GRIN2B: variants seen among roughly 807,000 people sequenced by gnomAD.
GRIN2B encodes glutamate ionotropic receptor NMDA type subunit 2B, also known as glutamate receptor ionotropic, NMDA 2B.
In GRIN2B, 5 loss-of-function variants were observed where a neutral mutation model predicts 114.5. The observed-to-expected ratio is 0.04, with a 90% CI of 0.02 to 0.09. The LOEUF (loss-of-function observed/expected upper bound fraction) is 0.09, where lower values mean the gene tolerates loss of function less well. Ranked by LOEUF, GRIN2B falls within the 10% of genes least tolerant of loss-of-function variation. The probability of loss-of-function intolerance (pLI) is 1.00; values close to 1 mark genes in which losing one functional copy is unlikely to be tolerated. For missense variants in GRIN2B, 1,108 were observed against 1,943.5 expected (o/e 0.57, Z 8.08); for synonymous variants, 787 against 745.1 (o/e 1.06, Z -0.92).
chr12:13,867,000 T>C (rs760310970), intron 2 of GRIN2B, among the ~76,000 whole-genome samples: 6 of 152,238 alleles, frequency 3.9e-5, no homozygotes, highest in Non-Finnish European at 8.8e-5. Flanking sequence ...CCAGATCTTC[T>C]GACTTTTGTA....
intron 3 of GRIN2B, among the ~76,000 whole-genome samples, chr12:13,769,063 CA>C (rs900113169): frequency 3.9e-5 from 6 of 152,094 alleles, no homozygotes; most frequent in Admixed American, 2.0e-4. Flanking sequence ...ATAAAATAAA[CA>C]GGTATAAAGG....
At chr12:13,576,342 GA>G (rs1948776088) in intron 10 of GRIN2B, among the ~76,000 whole-genome samples, 1 of 150,524 alleles carries the variant, frequency 6.6e-6, no homozygotes, top group Admixed American at 6.6e-5. Context: ...TGCTTAGCCT[GA>G]GTGGCAATTT....
At chr12:13,601,082 G>A (rs1949151416) in intron 10 of GRIN2B, among the ~76,000 whole-genome samples, 1 of 152,230 alleles carries the variant, frequency 6.6e-6, no homozygotes, top group African/African-American at 2.4e-5. Flanking sequence ...GGACAAAGAG[G>A]AGAAGCACTG....
At chr12:13,907,960 A>G (rs1213785123) in intron 2 of GRIN2B, among the ~76,000 whole-genome samples, 1 of 152,220 alleles carries the variant, frequency 6.6e-6, no homozygotes, top group African/African-American at 2.4e-5. Context: ...AAATGCATAC[A>G]GTATTTTAAA....
intron 2 of GRIN2B, among the ~76,000 whole-genome samples, chr12:13,907,252 A>G (rs1283442667): frequency 6.6e-6 from 1 of 152,206 alleles, no homozygotes. Flanking sequence ...ATACTTTGGG[A>G]GTCCAAGATG....
chr12:13,901,940 A>G (rs1866459702), intron 2 of GRIN2B, among the ~76,000 whole-genome samples: 1 of 152,088 alleles, frequency 6.6e-6, no homozygotes, highest in African/African-American at 2.4e-5. Flanking sequence ...TTTTTTCAGC[A>G]TTAGTTATTA....
intron 3 of GRIN2B, among the ~76,000 whole-genome samples, chr12:13,759,688 C>A (rs1341730116): frequency 6.6e-6 from 1 of 152,210 alleles, no homozygotes; most frequent in Non-Finnish European, 1.5e-5. Context: ...CCTGCAAGAG[C>A]ATGCTCAATG....
intron 4 of GRIN2B, among the ~76,000 whole-genome samples, chr12:13,720,208 G>A (rs1281661252): frequency 6.6e-6 from 1 of 151,968 alleles, no homozygotes; most frequent in African/African-American, 2.4e-5. Context: ...AGGTACCTGT[G>A]GCCTGGCATC....
chr12:13,836,191 C>T (rs1423748346), intron 3 of GRIN2B, among the ~76,000 whole-genome samples: 1 of 152,188 alleles, frequency 6.6e-6, no homozygotes, highest in Admixed American at 6.5e-5. Flanking sequence ...CCAGGGCTGC[C>T]AGCCCCACAG....
At chr12:13,885,666 G>A (rs1270841215) in intron 2 of GRIN2B, among the ~76,000 whole-genome samples, 1 of 152,074 alleles carries the variant, frequency 6.6e-6, no homozygotes, top group African/African-American at 2.4e-5. Flanking sequence ...GCTTAACAAG[G>A]CTTTTATGTA....
chr12:13,608,669 G>C lies in GRIN2B; in HGVS notation c.1944C>G (p.Ala648=). The change falls in exon 10 of 14, where the codon GCC becomes GCG. Residue 648 remains alanine, a synonymous_variant. Coordinates refer to ENST00000609686, the MANE Select transcript of GRIN2B (RefSeq NM_000834.5). The part of the protein sequence containing the change: ...FAVIFLASYT[A]NLAAFMIQEE... Reference sequence around the variant, plus strand: ...CTTGGATCATGAAGGCAGCTAAGTTGGCAGTGTAGCTGGCCAGGAAGATGA... The same window carrying C: ...CTTGGATCATGAAGGCAGCTAAGTTCGCAGTGTAGCTGGCCAGGAAGATGA... 6.2e-7 allele frequency: 1 copy of C among 1,614,140 alleles called. No individual in the cohort carries two copies. Among genetic ancestry groups the C allele is most frequent in the Non-Finnish European group, 8.5e-7 (1 of 1,180,018 alleles).
At chr12:13,895,068 A>G (rs1365460274) in intron 2 of GRIN2B, among the ~76,000 whole-genome samples, 1 of 152,196 alleles carries the variant, frequency 6.6e-6, no homozygotes, top group Non-Finnish European at 1.5e-5. Context: ...ATTTTTGTGA[A>G]TGTGTGCACA....
chr12:13,556,088 G>A lies in GRIN2B; in HGVS notation c.*6695C>T, dbSNP rs992142951. 1.3e-5 allele frequency: 2 copies of A among 152,138 alleles called. No homozygotes were observed. The highest frequency in any genetic ancestry group is 4.8e-5 in the African/African-American group (2 of 41,416). 9.4% of individuals were successfully genotyped at this position (152,138 alleles called of 1,614,324 possible). Reference sequence around the variant, plus strand: ...GATTTATGGACCAGAACAACAGAGGGGTCTTGAAGGAAGGAAGATATAGAA... The same window carrying A: ...GATTTATGGACCAGAACAACAGAGGAGTCTTGAAGGAAGGAAGATATAGAA... On this transcript the variant is annotated 3_prime_UTR_variant, in exon 14 of 14. Transcript: ENST00000609686.
At chr12:13,951,904 GAGAAAAAGAA>G (rs931065221) in intron 2 of GRIN2B, among the ~76,000 whole-genome samples, 37 of 152,082 alleles carry the variant, frequency 2.4e-4, no homozygotes, top group Admixed American at 9.8e-4. Context: ...GAGAAGAGGG[GAGAAAAAGAA>G]AGAAAAAGAA....
At position 13,908,847 on chromosome 12, in the gene GRIN2B, T is replaced by C. The variant is rs76049220; in HGVS notation, c.-18-42621A>G. On this transcript the variant is annotated intron_variant, in intron 2 of 13. Transcript: ENST00000609686. ...ACCAGTATATTCAGTGATTGCATGG[T>C]ATTGAAGAAAGTATATTTCAAAGTG... is the stretch of plus-strand genomic sequence containing the variant. Among the ~76,000 whole-genome samples the C allele has an allele frequency of 8.0e-3, 1,222 of 152,314 alleles. 21 individuals carry two copies. The highest frequency in any genetic ancestry group is 0.028 in the African/African-American group (1,178 of 41,574).
At chr12:13,790,615 A>G (rs1181589750) in intron 3 of GRIN2B, among the ~76,000 whole-genome samples, 1 of 152,176 alleles carries the variant, frequency 6.6e-6, no homozygotes, top group Non-Finnish European at 1.5e-5. Context: ...GCATTTTATA[A>G]TAGTCATCTC....
chr12:13,903,637 A>G (rs1866493262), intron 2 of GRIN2B, among the ~76,000 whole-genome samples: 1 of 152,082 alleles, frequency 6.6e-6, no homozygotes, highest in South Asian at 2.1e-4. Flanking sequence ...GTTTTGATAA[A>G]TGGTCAGTTT....
At chr12:13,672,113 C>A (rs1344500942) in intron 5 of GRIN2B, among the ~76,000 whole-genome samples, 2 of 152,098 alleles carry the variant, frequency 1.3e-5, no homozygotes, top group Non-Finnish European at 2.9e-5. Flanking sequence ...CCATCCCTCA[C>A]CCAATTTCTT....
chr12:13,565,770 G>A (rs148053971), intron 13 of GRIN2B, among the ~76,000 whole-genome samples: 11 of 152,318 alleles, frequency 7.2e-5, no homozygotes, highest in South Asian at 2.1e-4. Flanking sequence ...TAGAAGAATC[G>A]TAGCGAAATG....
Sources: allele counts gnomAD v4.1 joint callset (sites outside exome capture counted in the v4.1 genomes callset), GRCh38; gene constraint gnomAD v4.1.1; transcripts MANE v1.5; gene names NCBI Gene and HGNC (gene_info 2026-07-23, HGNC 2026-07-21).